Variants in LRRK1 observed in about 807,000 individuals in gnomAD.
The protein encoded by LRRK1 is leucine rich repeat kinase 1, also known as leucine-rich repeat serine/threonine-protein kinase 1.
In LRRK1, 113 loss-of-function variants were observed where a neutral mutation model predicts 209.1. That is an observed-to-expected ratio of 0.54 (90% confidence interval 0.46 to 0.63). LRRK1 has a LOEUF of 0.63. Ranked by LOEUF, LRRK1 falls within the 30% of genes least tolerant of loss-of-function variation. The pLI is 0.00. For synonymous variants in LRRK1, 1,144 were observed against 1,099.7 expected (o/e 1.04, Z -0.80); for missense variants, 2,284 against 2,632.2 (o/e 0.87, Z 2.89).
chr15:100,951,449 CAA>C (rs1293095421), intron 2 of LRRK1, among the ~76,000 whole-genome samples: 1 of 152,088 alleles, frequency 6.6e-6, no homozygotes, highest in East Asian at 1.9e-4. Context: ...AGTATATACA[CAA>C]GAGAACTGAG....
chr15:101,060,436 T>C (rs1044541857), intron 29 of LRRK1, among the ~76,000 whole-genome samples: 2 of 152,194 alleles, frequency 1.3e-5, no homozygotes, highest in Non-Finnish European at 2.9e-5. Flanking sequence ...AGGAAGTTTT[T>C]GTTTGCTGTA....
chr15:100,968,676 TTC>T (rs2030641380), intron 2 of LRRK1, among the ~76,000 whole-genome samples: 3 of 77,178 alleles, frequency 3.9e-5, no homozygotes, highest in Non-Finnish European at 7.0e-5. Flanking sequence ...TTCTTTTTCT[TTC>T]TTTCTTTCTT....
intron 6 of LRRK1, 170 bp downstream of exon 6, chr15:100,989,568 G>A: frequency 3.0e-6 from 2 of 659,622 alleles, no homozygotes; most frequent in East Asian, 5.5e-5. Flanking sequence ...TTCATGCAGT[G>A]ATATGAAGGT....
At chr15:100,943,929 C>T (rs1019938328) in intron 2 of LRRK1, among the ~76,000 whole-genome samples, 2 of 152,110 alleles carry the variant, frequency 1.3e-5, no homozygotes, top group Non-Finnish European at 1.5e-5. Context: ...CTGCCCACCT[C>T]GGCCTCCCAA....
In LRRK1 at chr15:101,053,079, G is replaced by A. The variant is rs752497934; in HGVS notation, c.3847G>A (p.Val1283Ile). The A allele has an allele frequency of 6.8e-6, 11 of 1,606,632 alleles. No homozygotes were observed. The East Asian group carries it at 9.0e-5, about 13-fold the overall frequency. The part of the protein sequence containing the change: ...HIKKFKNFAN[V>I]PADTMLRHLR... ...CAAAAAATTCAAGAACTTTGCTAAC[G>A]TACCGGCAGGTAAGCGGGTCCCAGG... The change falls in exon 25 of 34, where the codon GTA becomes ATA. Residue 1283 changes from valine (V) to isoleucine (I), a missense_variant. Coordinates refer to ENST00000388948, the MANE Select transcript of LRRK1 (RefSeq NM_024652.6).
chr15:101,066,179 C>T lies in LRRK1; in HGVS notation c.5742C>T (p.Ala1914=), dbSNP rs1465503592. The part of the protein sequence containing the change: ...SQHLQAVKIL[A]VRDLIWVPRR... ...ACCTGCAGGCCGTGAAGATCCTCGC[C>T]GTCAGAGACCTCATTTGGGTCCCCA... The change falls in exon 32 of 34, where the codon GCC becomes GCT. Residue 1914 remains alanine, a synonymous_variant. Transcript: ENST00000388948. 1.1e-5 allele frequency: 18 copies of T among 1,610,964 alleles called. No homozygotes were observed. Among genetic ancestry groups the T allele is most frequent in the Admixed American group, 3.3e-5 (2 of 59,892 alleles).
intron 20 of LRRK1, among the ~76,000 whole-genome samples, chr15:101,042,669 G>C (rs1487423272): frequency 1.3e-5 from 2 of 152,224 alleles, no homozygotes; most frequent in Non-Finnish European, 2.9e-5. Context: ...CCTGGCATTT[G>C]GCCCATGGAA....
chr15:100,935,659 G>C (rs1227426020), intron 2 of LRRK1, among the ~76,000 whole-genome samples: 1 of 152,066 alleles, frequency 6.6e-6, no homozygotes, highest in African/African-American at 2.4e-5. Flanking sequence ...GAATGCACTG[G>C]GAATAGGTCT....
intron 2 of LRRK1, among the ~76,000 whole-genome samples, chr15:100,966,114 T>C (rs1376613097): frequency 2.0e-5 from 3 of 152,218 alleles, no homozygotes; most frequent in Non-Finnish European, 4.4e-5. Context: ...CTGAATAATC[T>C]CAAATAGTAT....
intron 2 of LRRK1, among the ~76,000 whole-genome samples, chr15:100,955,776 G>A (rs781718042): frequency 6.6e-6 from 1 of 152,044 alleles, no homozygotes; most frequent in African/African-American, 2.4e-5. Flanking sequence ...TTCTGTTAAT[G>A]TGGTGTATCG....
Position 101,026,153 on chromosome 15 carries a change from CG to C in LRRK1, c.2405+19del, listed in dbSNP as rs779995982. The C allele has an allele frequency of 1.9e-6, 3 of 1,612,468 alleles. No homozygotes were observed. In the South Asian group the frequency reaches 3.3e-5, roughly 18 times the overall value. ...AACACTTACAGTGAGTGCCCAGCCT[CG>C]GGCAGCTCCTGCCTTCTTGTGGGTG... On this transcript the variant is annotated intron_variant, in intron 17 of 33. Coordinates refer to ENST00000388948, the MANE Select transcript of LRRK1 (RefSeq NM_024652.6).
intron 2 of LRRK1, among the ~76,000 whole-genome samples, chr15:100,937,527 A>T (rs1222060398): frequency 1.0e-4 from 14 of 136,562 alleles, no homozygotes; most frequent in South Asian, 2.3e-4. Context: ...TTATTTATTT[A>T]TTATTTTATT....
At chr15:100,977,442 C>A (rs868164142) in intron 3 of LRRK1, among the ~76,000 whole-genome samples, 96 of 152,314 alleles carry the variant, frequency 6.3e-4, no homozygotes, top group African/African-American at 2.1e-3. Flanking sequence ...CTGTGAGGAG[C>A]TGGGGTGCTA....
chr15:100,927,220 C>A (rs1048210365), intron 2 of LRRK1, among the ~76,000 whole-genome samples: 1 of 152,232 alleles, frequency 6.6e-6, no homozygotes, highest in East Asian at 1.9e-4. Flanking sequence ...TCCCAGGGAC[C>A]GGGGCGCAAT....
chr15:101,058,803 G>GT (rs2035979108), intron 29 of LRRK1, among the ~76,000 whole-genome samples: 1 of 151,970 alleles, frequency 6.6e-6, no homozygotes, highest in African/African-American at 2.4e-5. Context: ...AAAAACTCAA[G>GT]AGTTATGGTT....
chr15:100,994,566 G>C lies in LRRK1; in HGVS notation c.762+5168G>C, dbSNP rs370204980. Among the ~76,000 whole-genome samples, 23 of 152,334 alleles carry C rather than the reference G, an allele frequency of 1.5e-4. 2 individuals are homozygous for C. Among genetic ancestry groups the C allele is most frequent in the Admixed American group, 7.2e-4 (11 of 15,314 alleles). Reference sequence around the variant, plus strand: ...TTACACATGCCAAGGTTGGCATAGAGCATGGAGGAAGCGATTACTGCATTT... The same window carrying C: ...TTACACATGCCAAGGTTGGCATAGACCATGGAGGAAGCGATTACTGCATTT... On this transcript the variant is annotated intron_variant, in intron 6 of 33. Transcript: ENST00000388948.
At position 101,048,626 on chromosome 15, in the gene LRRK1, C is replaced by T. The variant is rs1321235742; in HGVS notation, c.3268C>T (p.Leu1090Phe). 1 of 1,540,416 alleles carries T rather than the reference C, an allele frequency of 6.5e-7. No individual in the cohort carries two copies. The highest frequency in any genetic ancestry group is 8.7e-7 in the Non-Finnish European group (1 of 1,151,602). Reference protein sequence around the residue: ...RNQTIYWQEGLLVTFDGGYLS... With the variant: ...RNQTIYWQEGFLVTFDGGYLS... ...TCAGACCATCTATTGGCAGGAAGGG[C>T]TCCTGGTCACTTTTGATGGGGGCTA... Residue 1090 changes from leucine to phenylalanine, a missense_variant, in exon 22 of 34, where the codon CTC becomes TTC. Coordinates refer to ENST00000388948, the MANE Select transcript of LRRK1 (RefSeq NM_024652.6).
intron 21 of LRRK1, among the ~76,000 whole-genome samples, chr15:101,046,716 C>T (rs988783269): frequency 2.0e-5 from 3 of 152,188 alleles, no homozygotes; most frequent in Non-Finnish European, 4.4e-5. Flanking sequence ...ATTTTTAAGG[C>T]TCCCAGGCGA....
At position 101,056,847 on chromosome 15, in the gene LRRK1, T is replaced by G. The variant is rs749762054; in HGVS notation, c.4333-9T>G. 38 of 1,584,554 alleles carry G rather than the reference T, an allele frequency of 2.4e-5. No homozygotes were observed. Among genetic ancestry groups the G allele is most frequent in the Non-Finnish European group, 1.9e-5 (22 of 1,163,570 alleles). On this transcript the variant is annotated splice_polypyrimidine_tract_variant and intron_variant, in intron 27 of 33. Transcript: ENST00000388948. Reference sequence around the variant, plus strand: ...GGCAGCGACCTGACTTGGCTTGTTCTGTGCCCAGGTAGATATGTTCTCCTA... The same window carrying G: ...GGCAGCGACCTGACTTGGCTTGTTCGGTGCCCAGGTAGATATGTTCTCCTA...
Sources: gnomAD v4.1 joint callset for allele counts (sites outside exome capture counted in the v4.1 genomes callset) on GRCh38, gnomAD v4.1.1 for gene constraint, MANE v1.5 for transcripts, NCBI Gene and HGNC (gene_info 2026-07-23, HGNC 2026-07-21) for gene names.